Variants in ELMO3 observed in about 807,000 individuals in gnomAD.
ELMO3 encodes the protein engulfment and cell motility protein 3.
ELMO3 carries 81 observed loss-of-function variants against 89.0 expected under a neutral mutation model. The ratio of observed to expected loss-of-function variants is 0.91; its 90% CI spans 0.76 to 1.09. The LOEUF (loss-of-function observed/expected upper bound fraction) is 1.09, where lower values mean the gene tolerates loss of function less well. ELMO3 is among the 50% of genes least tolerant of loss of function. The pLI, the probability that ELMO3 is intolerant of heterozygous loss-of-function variation, is 0.00. For missense variants in ELMO3, 959 were observed against 972.8 expected (o/e 0.99, Z 0.19); for synonymous variants, 406 against 400.6 (o/e 1.01, Z -0.16).
rs754926769 is a variant in ELMO3, at chr16:67,201,375, A to G, written c.745-10A>G. 21 of 1,612,556 alleles carry G rather than the reference A, an allele frequency of 1.3e-5. No individual in the cohort carries two copies. Among genetic ancestry groups the G allele is most frequent in the Middle Eastern group, 3.3e-4 (2 of 6,082 alleles). ...CCCAGCCTAAGCCCCCTTTCTTTCT[A>G]CCCCCTCAGCACATGCTTGACTATC... On this transcript the variant is annotated splice_polypyrimidine_tract_variant and intron_variant, in intron 8 of 19. Coordinates refer to ENST00000393997, the MANE Select transcript of ELMO3 (RefSeq NM_024712.5).
chr16:67,201,132 G>A (rs1308310523), intron 8 of ELMO3, among the ~76,000 whole-genome samples, 164 bp downstream of exon 8: 2 of 150,380 alleles, frequency 1.3e-5, no homozygotes, highest in Admixed American at 1.3e-4. Flanking sequence ...TGCAAGCTCT[G>A]CCTCCCGGGT....
rs369205157 is a variant in ELMO3 at position 67,203,305 on chromosome 16, C to G, written c.1781-22C>G. The G allele has an allele frequency of 8.8e-6, 14 of 1,591,724 alleles. No homozygotes were observed. The highest frequency in any genetic ancestry group is 1.2e-5 in the Non-Finnish European group (14 of 1,172,544). ...CCGGGGCTGCCAGGGCTGCAGTGCT[C>G]AGCCCAGCCTTCTTCCTGCAGTCCC... On this transcript the variant is annotated intron_variant, in intron 17 of 19. Transcript: ENST00000393997. The surrounding 1 kb of genome is among the most constrained non-coding windows in gnomAD (Gnocchi z 4.6).
chr16:67,199,747 C>T lies in ELMO3; in HGVS notation c.183C>T (p.Ile61=). The change falls in exon 3 of 20, where the codon ATC becomes ATT. Residue 61 remains isoleucine, a synonymous_variant. Coordinates refer to ENST00000393997, the MANE Select transcript of ELMO3 (RefSeq NM_024712.5). ...LQFADGHRRY[I]TENNRAEIKN... Reference sequence around the variant, plus strand: ...TTGCGGATGGGCACCGGAGATACATCACCGAGAATGTGAGTCCCCTCTCCC... The same window carrying T: ...TTGCGGATGGGCACCGGAGATACATTACCGAGAATGTGAGTCCCCTCTCCC... The T allele has an allele frequency of 6.2e-7, 1 of 1,611,188 alleles. No homozygotes were observed. The highest frequency in any genetic ancestry group is 8.5e-7 in the Non-Finnish European group (1 of 1,179,680).
In ELMO3 at chr16:67,203,085, C is replaced by G. The variant is rs1335794480; in HGVS notation, c.1676-34C>G. ...CGGCTGGCTTGGTGTCAGGACCTCT[C>G]AGCACTCTGGCCCTCTTCCCTTTCT... On this transcript the variant is annotated intron_variant, in intron 16 of 19. Coordinates refer to ENST00000393997, the MANE Select transcript of ELMO3 (RefSeq NM_024712.5). This position sits in a 1 kb window ranked among gnomAD's most constrained non-coding sequence, Gnocchi z 4.6. 1 of 1,594,798 alleles carries G rather than the reference C, an allele frequency of 6.3e-7. No homozygotes were observed. Among genetic ancestry groups the G allele is most frequent in the Admixed American group, 1.8e-5 (1 of 56,706 alleles).
rs1250528909 is a variant in ELMO3 at position 67,202,173 on chromosome 16, C to T, written c.1153-3C>T. On this transcript the variant is annotated splice_polypyrimidine_tract_variant and splice_region_variant and intron_variant, in intron 12 of 19. Transcript: ENST00000393997. ...CTCCTTGCCCCATTCTCTGCGCCCC[C>T]AGTTTGTGTTGGAGAACAGCAGCCG... 6.3e-7 allele frequency: 1 copy of T among 1,599,734 alleles called. No individual in the cohort carries two copies. Among genetic ancestry groups the T allele is most frequent in the South Asian group, 1.1e-5 (1 of 89,806 alleles).
chr16:67,201,765 C>A lies in ELMO3; in HGVS notation c.942C>A (p.Val314=), dbSNP rs775939061. The change falls in exon 11 of 20, where the codon GTC becomes GTA. Residue 314 remains valine (V), a synonymous_variant. Transcript: ENST00000393997. ...YSQEQREQLQ[V]LRQAAFEVEG... is the part of the protein sequence containing the mutation. ...AGGAGCAGCGGGAGCAGCTGCAGGT[C>A]CTACGCCAGGCTGCCTTCGAGGTGG... 5.6e-6 allele frequency: 9 copies of A among 1,611,136 alleles called. No individual in the cohort carries two copies. Among genetic ancestry groups the A allele is most frequent in the Non-Finnish European group, 7.6e-6 (9 of 1,180,020 alleles).
Position 67,202,263 on chromosome 16 carries a change from C to A in ELMO3, c.1240C>A (p.Leu414Met), listed in dbSNP as rs973226171. The A allele has an allele frequency of 1.2e-6, 2 of 1,607,442 alleles. No homozygotes were observed. The highest frequency in any genetic ancestry group is 1.7e-5 in the Admixed American group (1 of 59,840). ...CCAGCTGACGGTGCTGCTGTGTGAG[C>A]TGCTCCGTGTTGGGGAGCCCTGTGA... ...SIQLTVLLCELLRVGEPCSET... is the reference protein window; with the variant it reads ...SIQLTVLLCEMLRVGEPCSET... Residue 414 changes from leucine (L) to methionine (M), a missense_variant, in exon 13 of 20, where the codon CTG becomes ATG. Leu to Met is a conservative substitution (Grantham distance 15). Coordinates refer to ENST00000393997, the MANE Select transcript of ELMO3 (RefSeq NM_024712.5).
In ELMO3 at chr16:67,202,454, A is replaced by G. The variant is rs769997452; in HGVS notation, c.1319A>G (p.His440Arg). The G allele has an allele frequency of 2.3e-5, 37 of 1,613,492 alleles. No homozygotes were observed. Among genetic ancestry groups the G allele is most frequent in the Non-Finnish European group, 3.0e-5 (35 of 1,180,020 alleles). Residue 440 changes from histidine to arginine, a missense_variant, in exon 14 of 20, where the codon CAC (histidine) becomes CGC (arginine). Physicochemically the swap from His to Arg is conservative, Grantham distance 29. Coordinates refer to ENST00000393997, the MANE Select transcript of ELMO3 (RefSeq NM_024712.5). ...TTCTTCGGCCAAGACCAGAGCTTCC[A>G]CGAGCTCTTCTGTGTGGGCATCCAG... The part of the protein sequence containing the change: ...PMFFGQDQSF[H>R]ELFCVGIQLL...
At position 67,202,217 on chromosome 16, in the gene ELMO3, C is replaced by G; in HGVS notation, c.1194C>G (p.Cys398Trp). The change falls in exon 13 of 20, where the codon TGC becomes TGG. Residue 398 changes from cysteine (C) to tryptophan (W), a missense_variant. Cys to Trp is a radical substitution (Grantham distance 215, BLOSUM62 -2). Coordinates refer to ENST00000393997, the MANE Select transcript of ELMO3 (RefSeq NM_024712.5). ...ENSSREDKHE[C>W]PFARGSIQLT... ...GCAGCCGCGAGGACAAGCACGAGTG[C>G]CCCTTTGCCCGGGGCAGCATCCAGC... 1 of 1,605,298 alleles carries G rather than the reference C, an allele frequency of 6.2e-7. No homozygotes were observed. Among genetic ancestry groups the G allele is most frequent in the Non-Finnish European group, 8.5e-7 (1 of 1,174,204 alleles).
At position 67,203,285 on chromosome 16, in the gene ELMO3, G is replaced by A. The variant is rs1261123761; in HGVS notation, c.1781-42G>A. ...TCCCCAGACCGCCCTGGGCCCCGGG[G>A]CTGCCAGGGCTGCAGTGCTCAGCCC... On this transcript the variant is annotated intron_variant, in intron 17 of 19. Coordinates refer to ENST00000393997, the MANE Select transcript of ELMO3 (RefSeq NM_024712.5). The surrounding 1 kb of genome is among the most constrained non-coding windows in gnomAD (Gnocchi z 4.6). 1.9e-6 allele frequency: 3 copies of A among 1,586,742 alleles called. No homozygotes were observed. The South Asian group carries it at 3.4e-5, about 18-fold the overall frequency.
In ELMO3 at chr16:67,200,893, G is replaced by T. The variant is rs1364202992; in HGVS notation, c.669G>T (p.Met223Ile). The T allele has an allele frequency of 2.2e-5, 36 of 1,613,724 alleles. No individual in the cohort carries two copies. The highest frequency in any genetic ancestry group is 2.9e-5 in the Non-Finnish European group (34 of 1,179,898). ...CTGAGCCCTCTTCTTGCCATAGGAT[G>T]AACCAGCAGCTGCAAACCAAGGCCA... ...LDRLLVHLQV[M>I]NQQLQTKAMA... Residue 223 changes from methionine to isoleucine, a missense_variant, in exon 8 of 20, where the codon ATG becomes ATT. Physicochemically the swap from Met to Ile is conservative, Grantham distance 10 (BLOSUM62 1). Transcript: ENST00000393997.
In ELMO3 at chr16:67,199,165, T is replaced by G. The variant is rs763431771; in HGVS notation, c.-162T>G. On this transcript the variant is annotated 5_prime_UTR_variant, in exon 1 of 20. Coordinates refer to ENST00000393997, the MANE Select transcript of ELMO3 (RefSeq NM_024712.5). ...CTCGGCTCCCTTGGGAAGGCCGCGTTGCATGGCCAGGAGCAGCAGTCTGGG... is the reference window on the plus strand; with the variant it reads ...CTCGGCTCCCTTGGGAAGGCCGCGTGGCATGGCCAGGAGCAGCAGTCTGGG... 2 of 1,608,832 alleles carry G rather than the reference T, an allele frequency of 1.2e-6. No homozygotes were observed. Among genetic ancestry groups the G allele is most frequent in the Admixed American group, 3.3e-5 (2 of 59,952 alleles).
At position 67,203,294 on chromosome 16, in the gene ELMO3, G is replaced by T; in HGVS notation, c.1781-33G>T. On this transcript the variant is annotated intron_variant, in intron 17 of 19. Coordinates refer to ENST00000393997, the MANE Select transcript of ELMO3 (RefSeq NM_024712.5). This position sits in a 1 kb window ranked among gnomAD's most constrained non-coding sequence, Gnocchi z 4.6. ...CGCCCTGGGCCCCGGGGCTGCCAGG[G>T]CTGCAGTGCTCAGCCCAGCCTTCTT... The T allele has an allele frequency of 6.3e-7, 1 of 1,589,200 alleles. No homozygotes were observed.
In ELMO3 at chr16:67,203,201, C is replaced by T; in HGVS notation, c.1758C>T (p.Thr586=). 6.2e-7 allele frequency: 1 copy of T among 1,610,260 alleles called. No homozygotes were observed. Among genetic ancestry groups the T allele is most frequent in the East Asian group, 2.2e-5 (1 of 44,848 alleles). The part of the protein sequence containing the change: ...GDMEEGASPP[T]LESLPEQLPV... The stretch of plus-strand genomic sequence containing the variant: ...TGGAGGAGGGCGCCAGCCCGCCTAC[C>T]CTGGAGAGTCTGCCCGAGCAACGTA... Residue 586 remains threonine (T), a synonymous_variant, in exon 17 of 20, where the codon ACC becomes ACT. Coordinates refer to ENST00000393997, the MANE Select transcript of ELMO3 (RefSeq NM_024712.5). This position sits in a 1 kb window ranked among gnomAD's most constrained non-coding sequence, Gnocchi z 4.6.
rs1353924971 is a variant in ELMO3 at position 67,203,873 on chromosome 16, C to T, written c.2159C>T (p.Pro720Leu). ...TGCTATGACTGCAGCATCGCTGAAC[C>T]TTGACAGTGTGGCTGGCCATGGGCC... ...NFCYDCSIAE[P>L] The change falls in exon 20 of 20, where the codon CCT becomes CTT. Residue 720 changes from proline to leucine, a missense_variant. Pro to Leu is a moderately conservative substitution (Grantham distance 98). Transcript: ENST00000393997. The surrounding 1 kb of genome is among the most constrained non-coding windows in gnomAD (Gnocchi z 4.6). The T allele has an allele frequency of 6.4e-7, 1 of 1,569,414 alleles. No individual in the cohort carries two copies. Among genetic ancestry groups the T allele is most frequent in the Non-Finnish European group, 8.6e-7 (1 of 1,156,210 alleles).
intron 4 of ELMO3, 90 bp downstream of exon 4, chr16:67,200,091 T>G: frequency 8.6e-7 from 1 of 1,168,124 alleles, no homozygotes; most frequent in Non-Finnish European, 1.2e-6. Context: ...GCCCCAGCCC[T>G]GCCTTGCGCC....
Position 67,201,549 on chromosome 16 carries a change from C to T in ELMO3, c.825C>T (p.Gly275=), listed in dbSNP as rs569287419. Residue 275 remains glycine (G), a synonymous_variant, in exon 10 of 20, where the codon GGC becomes GGT. Coordinates refer to ENST00000393997, the MANE Select transcript of ELMO3 (RefSeq NM_024712.5). Reference sequence around the variant, plus strand: ...TCATCCACAGTGCAGCACCAATGGGCGACGAGATGGCTCATCACCTGTACG... The same window carrying T: ...TCATCCACAGTGCAGCACCAATGGGTGACGAGATGGCTCATCACCTGTACG... ...KNIIHSAAPM[G]DEMAHHLYVL... 8.1e-6 allele frequency: 13 copies of T among 1,614,068 alleles called. No homozygotes were observed. Among genetic ancestry groups the T allele is most frequent in the South Asian group, 4.4e-5 (4 of 91,092 alleles).
In ELMO3 at chr16:67,200,513, T is replaced by C; in HGVS notation, c.476T>C (p.Val159Ala). Reference protein sequence around the residue: ...AFSELMEHGVVSWETLSIPFV... With the variant: ...AFSELMEHGVASWETLSIPFV... ...TCAGAGCTCATGGAGCACGGCGTGG[T>C]GTCCTGGGAGACTCTGAGCATCCCC... is the stretch of plus-strand genomic sequence containing the variant. Residue 159 changes from valine (V) to alanine (A), a missense_variant, in exon 6 of 20, where the codon GTG (valine) becomes GCG (alanine). Val to Ala is a moderately conservative substitution (Grantham distance 64). Coordinates refer to ENST00000393997, the MANE Select transcript of ELMO3 (RefSeq NM_024712.5). 6.2e-7 allele frequency: 1 copy of C among 1,613,720 alleles called. No individual in the cohort carries two copies. Among genetic ancestry groups the C allele is most frequent in the Non-Finnish European group, 8.5e-7 (1 of 1,179,978 alleles).
rs750448202 is a variant in ELMO3 at position 67,201,847 on chromosome 16, C to T, written c.1024C>T (p.Arg342Ter). The T allele has an allele frequency of 1.3e-5, 21 of 1,609,900 alleles. No homozygotes were observed. Among genetic ancestry groups the T allele is most frequent in the African/African-American group, 4.0e-5 (3 of 74,916 alleles). The change falls in exon 11 of 20, where the codon CGA becomes TGA. Residue 342 changes from arginine (R) to a stop codon, truncating the protein, a stop_gained. Transcript: ENST00000393997. LOFTEE classifies it high-confidence loss of function. Reference sequence around the variant, plus strand: ...TGACCGTCGCCGTTCCCTCTGTGCCCGAGAGTTCCGCAAACTGGGCTTTTC... The same window carrying T: ...TGACCGTCGCCGTTCCCTCTGTGCCTGAGAGTTCCGCAAACTGGGCTTTTC... Reference protein sequence around the residue: ...SADRRRSLCAREFRKLGFSNS... With the variant: ...SADRRRSLCA
Sources: allele counts gnomAD v4.1 joint callset (sites outside exome capture counted in the v4.1 genomes callset), GRCh38; gene constraint gnomAD v4.1.1; non-coding constraint Gnocchi (gnomAD v3.1); transcripts MANE v1.5; gene names NCBI Gene and HGNC (gene_info 2026-07-23, HGNC 2026-07-21).